The following DENND2B variants were observed in gnomAD, a reference collection of about 807,000 sequenced individuals.
The protein encoded by DENND2B is DENN domain containing 2B.
A neutral mutation model predicts 116.0 loss-of-function variants in DENND2B; 32 were observed. That is an observed-to-expected ratio of 0.28 (90% CI 0.21 to 0.37). The LOEUF (loss-of-function observed/expected upper bound fraction) is 0.37. DENND2B is among the 10% of genes least tolerant of loss of function. The probability of loss-of-function intolerance (pLI) is 1.00; values close to 1 mark genes in which losing one functional copy is unlikely to be tolerated. For synonymous variants in DENND2B, 588 were observed against 583.9 expected (o/e 1.01, Z -0.10); for missense variants, 1,276 against 1,477.7 (o/e 0.86, Z 2.24).
chr11:8,715,572 G>A (rs777821409), intron 6 of DENND2B, 31 bp downstream of exon 6: 79 of 1,605,752 alleles, frequency 4.9e-5, no homozygotes, highest in Non-Finnish European at 5.6e-5. Context: ...CCACCTGCCC[G>A]GCTCCAGTGG....
At chr11:8,859,928 A>G (rs1450950252) in intron 2 of DENND2B, among the ~76,000 whole-genome samples, 1 of 151,948 alleles carries the variant, frequency 6.6e-6, no homozygotes, top group Non-Finnish European at 1.5e-5. Context: ...AACCTCCCAT[A>G]CCTAGCAACA....
intron 2 of DENND2B, among the ~76,000 whole-genome samples, chr11:8,870,500 T>C (rs916812066): frequency 2.7e-4 from 38 of 141,940 alleles, no homozygotes; most frequent in Non-Finnish European, 3.3e-4. Flanking sequence ...GTGTGTGTTG[T>C]GCGTGTGTAT....
At chr11:8,798,440 CA>C (rs1409234073) in intron 1 of DENND2B, among the ~76,000 whole-genome samples, 2 of 151,988 alleles carry the variant, frequency 1.3e-5, no homozygotes, top group Non-Finnish European at 2.9e-5. Flanking sequence ...TGGGGAACAC[CA>C]AAAAATAAAA....
At chr11:8,834,011 G>A (rs1262051089) in intron 4 of DENND2B, among the ~76,000 whole-genome samples, 1 of 152,128 alleles carries the variant, frequency 6.6e-6, no homozygotes, top group Admixed American at 6.5e-5. Context: ...TTTTTTCAGA[G>A]AGACAAGACC....
chr11:8,886,222 A>G (rs2134735358), intron 1 of DENND2B, among the ~76,000 whole-genome samples: 1 of 152,320 alleles, frequency 6.6e-6, no homozygotes, highest in South Asian at 2.1e-4. Context: ...GGCGTGAGCC[A>G]CCACGCCCAG....
chr11:8,726,943 G>A (rs10769946), intron 3 of DENND2B, among the ~76,000 whole-genome samples: 142,209 of 152,286 alleles, frequency 0.93, 67,154 homozygotes, highest in East Asian at 1. Flanking sequence ...TCCAAGACCA[G>A]GCTTCCCTTC....
At chr11:8,855,789 A>G (rs1281643884) in intron 3 of DENND2B, among the ~76,000 whole-genome samples, 1 of 152,112 alleles carries the variant, frequency 6.6e-6, no homozygotes, top group Non-Finnish European at 1.5e-5. Context: ...AAATTTAAAG[A>G]CAGGGATTAG....
At chr11:8,721,366 C>T (rs1181497916) in intron 4 of DENND2B, among the ~76,000 whole-genome samples, 1 of 152,118 alleles carries the variant, frequency 6.6e-6, no homozygotes, top group East Asian at 1.9e-4. Context: ...CTCCCCCAGC[C>T]CCAACCTAAC....
intron 1 of DENND2B, among the ~76,000 whole-genome samples, chr11:8,797,528 CCCCCTTT>C (rs955793277): frequency 1.4e-4 from 20 of 143,954 alleles, no homozygotes; most frequent in African/African-American, 3.6e-4. Flanking sequence ...CTTCCCCCTT[CCCCCTTT>C]CCCCCTTTCC....
chr11:8,708,983 G>C (rs1004670538), intron 11 of DENND2B, among the ~76,000 whole-genome samples: 1 of 152,014 alleles, frequency 6.6e-6, no homozygotes, highest in Non-Finnish European at 1.5e-5. Context: ...GGTAGCTAAA[G>C]GGGAGACATG....
intron 4 of DENND2B, among the ~76,000 whole-genome samples, chr11:8,720,617 C>T (rs937584579): frequency 2.0e-5 from 3 of 152,216 alleles, no homozygotes; most frequent in Non-Finnish European, 4.4e-5. Context: ...GCTGCCTCCC[C>T]AGCCTCAGCT....
chr11:8,750,666 G>A lies in DENND2B; in HGVS notation c.35C>T (p.Thr12Ile), dbSNP rs759409868. ...TMTANKNSSI[T>I]HGAGGTKAPR... ...GGCTTTAGTGCCACCAGCTCCGTGG[G>A]TGATGCTGGAATTCTTGTTGGCAGT... is the stretch of plus-strand genomic sequence containing the variant. Residue 12 changes from threonine (T) to isoleucine (I), a missense_variant, in exon 2 of 20, where the codon ACC (threonine) becomes ATC (isoleucine). Around this residue, in one of 2 missense-constraint regions of DENND2B, gnomAD observed 856 missense variants for 846.6 expected, o/e 1.01. Coordinates refer to ENST00000313726, the MANE Select transcript of DENND2B (RefSeq NM_213618.2). 6.2e-7 allele frequency: 1 copy of A among 1,614,034 alleles called. No homozygotes were observed. Among genetic ancestry groups the A allele is most frequent in the African/African-American group, 1.3e-5 (1 of 74,918 alleles).
chr11:8,883,173 G>A (rs1191389368), intron 1 of DENND2B, among the ~76,000 whole-genome samples: 1 of 152,106 alleles, frequency 6.6e-6, no homozygotes, highest in African/African-American at 2.4e-5. Flanking sequence ...AACACATTTT[G>A]TTGTTGTTTT....
chr11:8,738,168 G>C (rs75631054), intron 2 of DENND2B, among the ~76,000 whole-genome samples: 2 of 152,188 alleles, frequency 1.3e-5, no homozygotes, highest in Non-Finnish European at 2.9e-5. Flanking sequence ...CCCAACGCCC[G>C]TCTAAAAGGG....
At position 8,696,799 on chromosome 11, in the gene DENND2B, T is replaced by C. The variant is rs192944080; in HGVS notation, c.3053-133A>G. On this transcript the variant is annotated intron_variant, in intron 17 of 19. Transcript: ENST00000313726. ...CACTCTTCTGTTCTGGAAGCTCTTT[T>C]TGAGACCGAGTTTCACTCTTGTTGC... 3.4e-5 allele frequency: 47 copies of C among 1,398,026 alleles called. No homozygotes were observed. The African/African-American group carries it at 5.0e-4, about 15-fold the overall frequency. The allele number at this position is 1,398,026 out of a possible 1,614,324, so 86.6% of individuals were successfully genotyped here.
intron 1 of DENND2B, among the ~76,000 whole-genome samples, chr11:8,906,956 C>G (rs11042117): frequency 6.6e-6 from 1 of 152,134 alleles, no homozygotes; most frequent in East Asian, 1.9e-4. Context: ...TGGCACAGTA[C>G]CCACTTTTGC....
At chr11:8,846,480 G>T (rs151060827) in intron 3 of DENND2B, among the ~76,000 whole-genome samples, 7 of 152,326 alleles carry the variant, frequency 4.6e-5, no homozygotes, top group African/African-American at 1.7e-4. Flanking sequence ...GAAGGCTCAT[G>T]GTCATCACAA....
chr11:8,897,579 C>A (rs2064118792), intron 1 of DENND2B, among the ~76,000 whole-genome samples: 1 of 152,120 alleles, frequency 6.6e-6, no homozygotes, highest in Admixed American at 6.5e-5. Context: ...AAGTAACAGA[C>A]CAGCCAGAAA....
intron 4 of DENND2B, among the ~76,000 whole-genome samples, chr11:8,827,093 G>A (rs1276937860): frequency 2.0e-5 from 3 of 152,232 alleles, no homozygotes; most frequent in Non-Finnish European, 4.4e-5. Context: ...GGATGTCAGG[G>A]AACATACTTG....
Sources: allele counts gnomAD v4.1 joint callset (sites outside exome capture counted in the v4.1 genomes callset), GRCh38; gene constraint gnomAD v4.1.1; regional missense constraint gnomAD v4.1.1; transcripts MANE v1.5; gene names NCBI Gene and HGNC (gene_info 2026-07-23, HGNC 2026-07-21).